Variants in FCHO2 observed in about 807,000 individuals in gnomAD.
The protein encoded by FCHO2 is F-BAR domain only protein 2.
FCHO2 carries 43 observed loss-of-function variants against 114.1 expected under a neutral mutation model. The ratio of observed to expected loss-of-function variants is 0.38; its 90% CI spans 0.30 to 0.49. FCHO2 has a LOEUF of 0.49. Among genes scored for constraint, FCHO2 ranks in the 20% least tolerant of loss-of-function variants. FCHO2 has a pLI of 0.97. For synonymous variants in FCHO2, 293 were observed against 315.2 expected (o/e 0.93, Z 0.75); for missense variants, 807 against 950.4 (o/e 0.85, Z 1.98).
rs148078087 is a variant in FCHO2, at chr5:73,066,286, A to AT, written c.1449+2345dup. On this transcript the variant is annotated intron_variant, in intron 18 of 25. Transcript: ENST00000430046. ...GCACTATTTTAAGTGGCTACAGAGTATTTCAATATGAGTGCTCTGTCTTCT... is the reference window on the plus strand; with the variant it reads ...GCACTATTTTAAGTGGCTACAGAGTATTTTCAATATGAGTGCTCTGTCTTCT... Among the ~76,000 whole-genome samples, 1,135 of 152,058 alleles carry AT rather than the reference A, an allele frequency of 7.5e-3. 18 individuals are homozygous for AT. Among genetic ancestry groups the AT allele is most frequent in the African/African-American group, 0.026 (1,085 of 41,514 alleles).
In FCHO2 at chr5:73,063,821, C is replaced by G. The variant is rs568374353; in HGVS notation, c.1346-20C>G. 3.1e-6 allele frequency: 5 copies of G among 1,598,986 alleles called. No individual in the cohort carries two copies. In the South Asian group the frequency reaches 4.5e-5, roughly 14 times the overall value. On this transcript the variant is annotated intron_variant, in intron 17 of 25. Transcript: ENST00000430046. ...ACATACTAATGATTTTCTTCAAATTCTCTTTTCCCCCTCAACCAGCCAGGC... is the reference window on the plus strand; with the variant it reads ...ACATACTAATGATTTTCTTCAAATTGTCTTTTCCCCCTCAACCAGCCAGGC...
At chr5:72,958,058 A>G (rs1370726190) in intron 1 of FCHO2, among the ~76,000 whole-genome samples, 3 of 149,580 alleles carry the variant, frequency 2.0e-5, no homozygotes, top group Non-Finnish European at 4.4e-5. Flanking sequence ...TTTTTTTTTA[A>G]TATTCTGGAT....
At position 73,072,667 on chromosome 5, in the gene FCHO2, G is replaced by A. The variant is rs547656683; in HGVS notation, c.1580-2075G>A. ...ATACTGTATGCTTCCACTTATATGA[G>A]GTACTTAAAGAGTAGTCAAACTCAT... On this transcript the variant is annotated intron_variant, in intron 19 of 25. Coordinates refer to ENST00000430046, the MANE Select transcript of FCHO2 (RefSeq NM_138782.3). 6.6e-5 allele frequency among the ~76,000 whole-genome samples: 10 copies of A among 152,152 alleles called. No homozygotes were observed. In the South Asian group the frequency reaches 2.1e-3, roughly 32 times the overall value.
chr5:73,038,055 G>A lies in FCHO2; in HGVS notation c.914+840G>A, dbSNP rs560017492. ...GATTACAGGCCTGAGCCACGCGCCC[G>A]GCCTGATTTACCTTCTTTTAAAAAT... On this transcript the variant is annotated intron_variant, in intron 10 of 25. Coordinates refer to ENST00000430046, the MANE Select transcript of FCHO2 (RefSeq NM_138782.3). 15 of 155,348 alleles carry A rather than the reference G, an allele frequency of 9.7e-5. No individual in the cohort carries two copies. In the South Asian group the frequency reaches 2.0e-3, roughly 20 times the overall value. The allele number at this position is 155,348 out of a possible 1,614,324, so 9.6% of individuals were successfully genotyped here.
intron 5 of FCHO2, among the ~76,000 whole-genome samples, chr5:73,002,320 C>A (rs1219950148): frequency 6.6e-6 from 1 of 152,128 alleles, no homozygotes; most frequent in African/African-American, 2.4e-5. Context: ...AGGATCTTCC[C>A]TCCATGTCTT....
At chr5:73,005,618 T>C (rs919934561) in intron 5 of FCHO2, among the ~76,000 whole-genome samples, 3 of 152,164 alleles carry the variant, frequency 2.0e-5, no homozygotes, top group Non-Finnish European at 4.4e-5. Context: ...TGATCAGGCC[T>C]TTGAGAATAT....
intron 8 of FCHO2, among the ~76,000 whole-genome samples, chr5:73,026,446 G>C (rs1434282829): frequency 1.3e-5 from 2 of 151,718 alleles, no homozygotes; most frequent in African/African-American, 4.8e-5. Flanking sequence ...CTCCAGCCTG[G>C]ACGACAAGAG....
chr5:73,085,174 C>T (rs1230456682), intron 24 of FCHO2, among the ~76,000 whole-genome samples: 2 of 151,832 alleles, frequency 1.3e-5, no homozygotes, highest in Non-Finnish European at 1.5e-5. Flanking sequence ...CATGGTGAAA[C>T]CCTGTCTCTA....
At chr5:73,082,081 A>G in intron 23 of FCHO2, 99 bp downstream of exon 23, 1 of 1,154,206 alleles carries the variant, frequency 8.7e-7, no homozygotes, top group East Asian at 2.7e-5. Flanking sequence ...AGTTTGAAAA[A>G]TTTTTGTGCC....
In FCHO2 at chr5:73,073,118, T is replaced by G. The variant is rs186436444; in HGVS notation, c.1580-1624T>G. The stretch of plus-strand genomic sequence containing the variant: ...TAAATGTATACTTAATCAGCTTTTT[T>G]TCACTTGATATTTTCTTGCATCCCA... On this transcript the variant is annotated intron_variant, in intron 19 of 25. Transcript: ENST00000430046. 3.0e-3 allele frequency among the ~76,000 whole-genome samples: 455 copies of G among 152,136 alleles called. 1 individual carries two copies. The highest frequency in any genetic ancestry group is 9.1e-3 in the African/African-American group (376 of 41,544).
intron 19 of FCHO2, among the ~76,000 whole-genome samples, chr5:73,073,754 C>T (rs1280133361): frequency 1.3e-5 from 2 of 151,888 alleles, no homozygotes; most frequent in African/African-American, 4.8e-5. Flanking sequence ...CTACAGGAGT[C>T]GCATCTGAAA....
chr5:73,088,073 T>C lies in FCHO2; in HGVS notation c.2416T>C (p.Tyr806His), dbSNP rs1056696736. Residue 806 changes from tyrosine (Y) to histidine (H), a missense_variant, in exon 26 of 26, where the codon TAC becomes CAC. Physicochemically the swap from Tyr to His is moderately conservative, Grantham distance 83. Coordinates refer to ENST00000430046, the MANE Select transcript of FCHO2 (RefSeq NM_138782.3). ...LIKKRFATGRYLADC is the reference protein window; with the variant it reads ...LIKKRFATGRHLADC ...GTCTGCTTGGCGTTTTTCAGGACGA[T>C]ACCTGGCGGATTGTTGATGGACCTG... is the stretch of plus-strand genomic sequence containing the variant. 1 of 1,613,488 alleles carries C rather than the reference T, an allele frequency of 6.2e-7. No homozygotes were observed. Among genetic ancestry groups the C allele is most frequent in the African/African-American group, 1.3e-5 (1 of 74,934 alleles).
rs767355732 is a variant in FCHO2, at chr5:73,017,243, A to G, written c.731A>G (p.Asn244Ser). 7 of 1,557,588 alleles carry G rather than the reference A, an allele frequency of 4.5e-6. No individual in the cohort carries two copies. The highest frequency in any genetic ancestry group is 6.1e-6 in the Non-Finnish European group (7 of 1,150,138). The change falls in exon 8 of 26, where the codon AAT (asparagine) becomes AGT (serine). Residue 244 changes from asparagine to serine, a missense_variant. Coordinates refer to ENST00000430046, the MANE Select transcript of FCHO2 (RefSeq NM_138782.3). Reference protein sequence around the residue: ...VHEEFINNMANTTVESLIQKF... With the variant: ...VHEEFINNMASTTVESLIQKF... The stretch of plus-strand genomic sequence containing the variant: ...GAAGAATTTATAAATAACATGGCTA[A>G]TACTACAGTTGAAAGTTTGATACAA...
In FCHO2 at chr5:73,051,336, CT is replaced by C; in HGVS notation, c.940-8del. The C allele has an allele frequency of 6.7e-7, 1 of 1,497,854 alleles. No homozygotes were observed. Among genetic ancestry groups the C allele is most frequent in the Non-Finnish European group, 9.0e-7 (1 of 1,111,512 alleles). 92.8% of individuals were successfully genotyped at this position (1,497,854 alleles called of 1,614,324 possible). ...GGAGTTGTCATTATAATTTTTTTTT[CT>C]TTTTCCCTTAGAACATTCCTGATGT... On this transcript the variant is annotated splice_polypyrimidine_tract_variant and intron_variant, in intron 11 of 25. Coordinates refer to ENST00000430046, the MANE Select transcript of FCHO2 (RefSeq NM_138782.3).
Position 73,058,517 on chromosome 5 carries a change from A to T in FCHO2, c.1338A>T (p.Ser446=). ...DSSSSSSLTS[S]SSARPTTPLS... ...CTTCTTCATCTTCACTAACTTCATC[A>T]TCATCAGGTAAATATATATATGTAT... The change falls in exon 17 of 26, where the codon TCA becomes TCT. Residue 446 remains serine (S), a synonymous_variant. Transcript: ENST00000430046. 7.6e-7 allele frequency: 1 copy of T among 1,308,940 alleles called. No individual in the cohort carries two copies. Among genetic ancestry groups the T allele is most frequent in the Non-Finnish European group, 1.1e-6 (1 of 929,098 alleles). 81.1% of individuals were successfully genotyped at this position (1,308,940 alleles called of 1,614,324 possible).
intron 5 of FCHO2, among the ~76,000 whole-genome samples, chr5:72,996,683 A>G (rs541670537): frequency 1.6e-4 from 24 of 151,776 alleles, no homozygotes; most frequent in Admixed American, 1.4e-3. Context: ...CTCCCAGCCC[A>G]TGTGGGCCCC....
At position 72,956,140 on chromosome 5, in the gene FCHO2, G is replaced by A. The variant is rs747190228; in HGVS notation, c.33+11G>A. 2.6e-6 allele frequency: 4 copies of A among 1,536,634 alleles called. No individual in the cohort carries two copies. The highest frequency in any genetic ancestry group is 1.2e-5 in the South Asian group (1 of 82,224). On this transcript the variant is annotated intron_variant, in intron 1 of 25. Coordinates refer to ENST00000430046, the MANE Select transcript of FCHO2 (RefSeq NM_138782.3). ...GTCGAGAATTTTTGGGTAAGCTTAG[G>A]ATGTTGGAAGTCGTGTGTTTCGAAG...
rs1447021164 is a variant in FCHO2, at chr5:73,004,700, G to GTATAAATT, written c.496-1744_496-1743insATAAATTT. 2.6e-5 allele frequency among the ~76,000 whole-genome samples: 4 copies of GTATAAATT among 152,104 alleles called. No individual in the cohort carries two copies. The East Asian group carries it at 5.8e-4, about 22-fold the overall frequency. ...GAACTGTATAAATTTCTAAGACAAG[G>GTATAAATT]TCAGATGGGTAGTGCAGTGCTGAGA... On this transcript the variant is annotated intron_variant, in intron 5 of 25. Transcript: ENST00000430046.
intron 8 of FCHO2, chr5:73,021,287 G>T: frequency 2.0e-6 from 1 of 511,558 alleles, no homozygotes; most frequent in East Asian, 4.1e-5. Context: ...CATCACCACT[G>T]GGGAGCTCCT....
Sources: allele counts gnomAD v4.1 joint callset (sites outside exome capture counted in the v4.1 genomes callset), GRCh38; gene constraint gnomAD v4.1.1; transcripts MANE v1.5; gene names NCBI Gene and HGNC (gene_info 2026-07-23, HGNC 2026-07-21).